The following BCAT1 variants were observed in gnomAD, a reference collection of about 807,000 sequenced individuals.
BCAT1 encodes branched chain amino acid transaminase 1.
BCAT1 carries 48 observed loss-of-function variants against 52.4 expected under a neutral mutation model. The ratio of observed to expected loss-of-function variants is 0.92; its 90% CI spans 0.73 to 1.16. BCAT1 has a LOEUF of 1.16. BCAT1 is among the 50% of genes most tolerant of loss of function. The pLI is 0.00. For missense variants in BCAT1, 451 were observed against 457.1 expected (o/e 0.99, Z 0.12); for synonymous variants, 167 against 161.3 (o/e 1.04, Z -0.27).
At chr12:24,877,717 G>A (rs931069612) in intron 5 of BCAT1, among the ~76,000 whole-genome samples, 3 of 152,166 alleles carry the variant, frequency 2.0e-5, no homozygotes, top group South Asian at 2.1e-4. Flanking sequence ...TTCTACCTCA[G>A]AGAAGTACTG....
At chr12:24,940,760 A>G (rs1305324439) in intron 1 of BCAT1, among the ~76,000 whole-genome samples, 1 of 152,236 alleles carries the variant, frequency 6.6e-6, no homozygotes, top group Non-Finnish European at 1.5e-5. Context: ...CTCCACAGGG[A>G]ATTTGAGAAG....
chr12:24,934,223 G>A (rs1265223032), intron 1 of BCAT1, among the ~76,000 whole-genome samples: 3 of 152,188 alleles, frequency 2.0e-5, no homozygotes, highest in African/African-American at 7.2e-5. Flanking sequence ...TGGTTTAAAA[G>A]TGTGGCACTT....
chr12:24,880,786 A>G (rs1455373394), intron 4 of BCAT1, among the ~76,000 whole-genome samples: 2 of 151,216 alleles, frequency 1.3e-5, no homozygotes, highest in African/African-American at 4.9e-5. Context: ...ACAGACACTG[A>G]TTTTAAAAAA....
chr12:24,871,323 T>G (rs1223137862), intron 5 of BCAT1, among the ~76,000 whole-genome samples: 1 of 152,100 alleles, frequency 6.6e-6, no homozygotes, highest in Admixed American at 6.5e-5. Context: ...GGGATTCCAG[T>G]TAGGGAATTG....
chr12:24,939,438 C>T (rs1943816756), intron 1 of BCAT1, among the ~76,000 whole-genome samples: 1 of 152,158 alleles, frequency 6.6e-6, no homozygotes, highest in African/African-American at 2.4e-5. Context: ...ATGAAGTATA[C>T]ACATTACATT....
rs1274041230 is a variant in BCAT1, at chr12:24,812,627, A to G, written c.*5381T>C. The G allele has an allele frequency of 6.6e-6, 1 of 152,080 alleles. No homozygotes were observed. Among genetic ancestry groups the G allele is most frequent in the Non-Finnish European group, 1.5e-5 (1 of 67,922 alleles). The allele number at this position is 152,080 out of a possible 1,614,324, so 9.4% of individuals were successfully genotyped here. A position where few individuals can be genotyped will look rare whatever the true frequency, so the allele number is the denominator to read the frequency against. On this transcript the variant is annotated 3_prime_UTR_variant, in exon 11 of 11. Coordinates refer to ENST00000261192, the MANE Select transcript of BCAT1 (RefSeq NM_005504.7). ...ACATTGAAAGCTGAAGAAGATCTCA[A>G]TGCTTGACAGAATAAGGAAAAAGCT...
intron 5 of BCAT1, among the ~76,000 whole-genome samples, chr12:24,852,247 C>T (rs1941536529): frequency 6.6e-6 from 1 of 152,132 alleles, no homozygotes; most frequent in African/African-American, 2.4e-5. Flanking sequence ...ATAAATTACC[C>T]AGTCTCAGGT....
chr12:24,812,533 T>C lies in BCAT1; in HGVS notation c.*5475A>G, dbSNP rs1939723202. ...TTATAACCTCAATAGTGTGACCTAA[T>C]TCTAATATCTGATGAAGTGTTTGCT... On this transcript the variant is annotated 3_prime_UTR_variant, in exon 11 of 11. Coordinates refer to ENST00000261192, the MANE Select transcript of BCAT1 (RefSeq NM_005504.7). The C allele has an allele frequency of 6.6e-6, 1 of 152,074 alleles. No homozygotes were observed. Among genetic ancestry groups the C allele is most frequent in the Non-Finnish European group, 1.5e-5 (1 of 67,910 alleles). 9.4% of individuals were successfully genotyped at this position (152,074 alleles called of 1,614,324 possible). A position where few individuals can be genotyped will look rare whatever the true frequency, so the allele number is the denominator to read the frequency against.
chr12:24,824,533 C>G (rs1940302390), intron 10 of BCAT1, among the ~76,000 whole-genome samples: 1 of 152,142 alleles, frequency 6.6e-6, no homozygotes, highest in Admixed American at 6.6e-5. Context: ...GTACTAGCCT[C>G]AAGTATTGTT....
intron 6 of BCAT1, among the ~76,000 whole-genome samples, chr12:24,849,173 G>A (rs1161725169): frequency 6.6e-6 from 1 of 152,256 alleles, no homozygotes; most frequent in Non-Finnish European, 1.5e-5. Context: ...TCATGGCCAA[G>A]TCCACCCCTG....
chr12:24,912,331 G>A lies in BCAT1; in HGVS notation c.7-10446C>T, dbSNP rs372645847. ...AGATTGAGACCATCCTGTCTAACAC[G>A]GTGAAACCCCGTCTCTACCAAAAAA... On this transcript the variant is annotated intron_variant, in intron 1 of 10. Coordinates refer to ENST00000261192, the MANE Select transcript of BCAT1 (RefSeq NM_005504.7). Among the ~76,000 whole-genome samples the A allele has an allele frequency of 8.5e-4, 130 of 152,098 alleles. 3 individuals carry two copies. The South Asian group carries it at 0.014, about 16-fold the overall frequency.
intron 5 of BCAT1, among the ~76,000 whole-genome samples, chr12:24,866,572 T>C (rs1028465206): frequency 6.6e-6 from 1 of 152,176 alleles, no homozygotes; most frequent in Non-Finnish European, 1.5e-5. Flanking sequence ...CTGAGTCTAG[T>C]GGGGACTTGG....
At chr12:24,906,505 T>C (rs966481827) in intron 1 of BCAT1, among the ~76,000 whole-genome samples, 2 of 152,288 alleles carry the variant, frequency 1.3e-5, no homozygotes, top group Admixed American at 1.3e-4. Context: ...AATCTCTATG[T>C]CAGTTTTCTC....
chr12:24,912,033 C>T (rs1291275604), intron 1 of BCAT1, among the ~76,000 whole-genome samples: 2 of 152,010 alleles, frequency 1.3e-5, no homozygotes, highest in East Asian at 1.9e-4. Flanking sequence ...TATACCAGTA[C>T]CTAAATAGCT....
chr12:24,865,024 A>G (rs949924788), intron 5 of BCAT1, among the ~76,000 whole-genome samples: 6 of 151,980 alleles, frequency 3.9e-5, no homozygotes, highest in Non-Finnish European at 7.4e-5. Context: ...GCATTTTACA[A>G]ACTCCCTTTC....
chr12:24,944,409 G>A (rs1364659695), intron 1 of BCAT1, among the ~76,000 whole-genome samples: 1 of 152,162 alleles, frequency 6.6e-6, no homozygotes, highest in Non-Finnish European at 1.5e-5. Context: ...ATCCACCCTT[G>A]GCCTCATCCC....
intron 1 of BCAT1, among the ~76,000 whole-genome samples, chr12:24,935,321 A>G (rs1436402795): frequency 6.6e-6 from 1 of 152,198 alleles, no homozygotes; most frequent in African/African-American, 2.4e-5. Flanking sequence ...AGAGTCAGGG[A>G]TATGGTCAGA....
At chr12:24,856,874 CT>C (rs1270188134) in intron 5 of BCAT1, among the ~76,000 whole-genome samples, 1 of 152,226 alleles carries the variant, frequency 6.6e-6, no homozygotes, top group Non-Finnish European at 1.5e-5. Flanking sequence ...AAGTTTCCCT[CT>C]CGTCTTGTTT....
intron 10 of BCAT1, among the ~76,000 whole-genome samples, chr12:24,822,828 G>T (rs1386375026): frequency 6.6e-6 from 1 of 151,908 alleles, no homozygotes; most frequent in African/African-American, 2.4e-5. Flanking sequence ...TTAGTTTTTT[G>T]TGTTAACTAC....
Sources: allele counts gnomAD v4.1 joint callset (sites outside exome capture counted in the v4.1 genomes callset), GRCh38; gene constraint gnomAD v4.1.1; transcripts MANE v1.5; gene names NCBI Gene and HGNC (gene_info 2026-07-23, HGNC 2026-07-21).